BCAR3: variants seen among roughly 807,000 people sequenced by gnomAD.
The protein encoded by BCAR3 is BCAR3 adaptor protein, NSP family member.
In BCAR3, 37 loss-of-function variants were observed where a neutral mutation model predicts 80.1. That is an observed-to-expected ratio of 0.46 (90% CI 0.36 to 0.61). The LOEUF (loss-of-function observed/expected upper bound fraction) is 0.61. Ranked by LOEUF, BCAR3 falls within the 20% of genes least tolerant of loss-of-function variation. The pLI, the probability that BCAR3 is intolerant of heterozygous loss-of-function variation, is 0.00. For missense variants in BCAR3, 978 were observed against 1,068.2 expected (o/e 0.92, Z 1.18); for synonymous variants, 389 against 418.9 (o/e 0.93, Z 0.87).
intron 3 of BCAR3, among the ~76,000 whole-genome samples, chr1:93,610,500 T>C (rs1216198755): frequency 6.6e-6 from 1 of 151,796 alleles, no homozygotes; most frequent in Non-Finnish European, 1.5e-5. Context: ...AACAACAACA[T>C]CAAAAACAAA....
chr1:93,820,370 AC>A (rs1468846151), intron 2 of BCAR3, among the ~76,000 whole-genome samples: 1 of 152,000 alleles, frequency 6.6e-6, no homozygotes, highest in Admixed American at 6.6e-5. Context: ...CATAAAACTG[AC>A]CCCCACTTCA....
At chr1:93,805,516 C>T (rs1423269829) in intron 2 of BCAR3, among the ~76,000 whole-genome samples, 1 of 152,210 alleles carries the variant, frequency 6.6e-6, no homozygotes, top group Non-Finnish European at 1.5e-5. Context: ...TATAGACTGC[C>T]TGTGGAGAAC....
intron 3 of BCAR3, among the ~76,000 whole-genome samples, chr1:93,596,287 G>T (rs186967290): frequency 1.3e-5 from 2 of 152,280 alleles, no homozygotes; most frequent in East Asian, 1.9e-4. Context: ...AGAATAAGGT[G>T]TCAGGTCCTA....
intron 2 of BCAR3, among the ~76,000 whole-genome samples, chr1:93,821,749 G>C (rs1024441560): frequency 1.3e-5 from 2 of 152,074 alleles, no homozygotes; most frequent in African/African-American, 4.8e-5. Context: ...TAAGCACTTA[G>C]CATACCTTAT....
At chr1:93,754,209 T>A (rs1235925502) in intron 2 of BCAR3, 1 of 152,212 alleles carries the variant, frequency 6.6e-6, no homozygotes, top group African/African-American at 2.4e-5. Context: ...TGCCCTGTAC[T>A]TGCAAACATT....
At chr1:93,598,254 G>A (rs894097604) in intron 3 of BCAR3, among the ~76,000 whole-genome samples, 2 of 152,194 alleles carry the variant, frequency 1.3e-5, no homozygotes, top group East Asian at 1.9e-4. Context: ...AAGACGGGAC[G>A]GGGAGGGGTG....
At chr1:93,709,608 T>C (rs1260020971) in intron 2 of BCAR3, among the ~76,000 whole-genome samples, 2 of 152,128 alleles carry the variant, frequency 1.3e-5, no homozygotes, top group Admixed American at 1.3e-4. Flanking sequence ...TAGTGAATGC[T>C]CAGCAGGCAG....
chr1:93,571,592 A>T, intron 9 of BCAR3, 78 bp downstream of exon 9: 1 of 1,553,286 alleles, frequency 6.4e-7, no homozygotes, highest in Non-Finnish European at 8.9e-7. Flanking sequence ...GATTGACTAA[A>T]ATAGTCTGAT....
chr1:93,597,763 G>C (rs1407554446), intron 3 of BCAR3, among the ~76,000 whole-genome samples: 1 of 152,194 alleles, frequency 6.6e-6, no homozygotes, highest in Non-Finnish European at 1.5e-5. Flanking sequence ...GCAGGTGTTT[G>C]GGAGGCAAGC....
chr1:93,731,500 C>T (rs758366125), intron 2 of BCAR3, among the ~76,000 whole-genome samples: 24 of 152,118 alleles, frequency 1.6e-4, no homozygotes, highest in Non-Finnish European at 2.8e-4. Context: ...GGGCCTGCTC[C>T]GCCCTCCAAT....
At chr1:93,760,960 A>G (rs561514172) in intron 2 of BCAR3, among the ~76,000 whole-genome samples, 1 of 152,190 alleles carries the variant, frequency 6.6e-6, no homozygotes, top group Non-Finnish European at 1.5e-5. Flanking sequence ...GGACCATGGT[A>G]GACAGTGGGA....
At chr1:93,722,645 A>G (rs1571074183) in intron 2 of BCAR3, among the ~76,000 whole-genome samples, 1 of 152,234 alleles carries the variant, frequency 6.6e-6, no homozygotes, top group African/African-American at 2.4e-5. Flanking sequence ...TATATCATAA[A>G]TCCTCTTGCC....
intron 5 of BCAR3, among the ~76,000 whole-genome samples, chr1:93,584,581 A>G (rs1673865866): frequency 6.6e-6 from 1 of 152,172 alleles, no homozygotes; most frequent in Non-Finnish European, 1.5e-5. Flanking sequence ...GGAAACTTCC[A>G]TTTTGGTGCA....
intron 3 of BCAR3, among the ~76,000 whole-genome samples, chr1:93,625,463 C>G (rs1409725267): frequency 6.6e-6 from 1 of 152,156 alleles, no homozygotes; most frequent in African/African-American, 2.4e-5. Context: ...CAAAATACAC[C>G]CACCTGGGCC....
chr1:93,628,365 A>C (rs1255178444), intron 3 of BCAR3, among the ~76,000 whole-genome samples: 1 of 152,188 alleles, frequency 6.6e-6, no homozygotes, highest in Non-Finnish European at 1.5e-5. Flanking sequence ...TGTCCCCTGC[A>C]GTCTAGCAGC....
At chr1:93,602,091 A>C (rs1348275656) in intron 3 of BCAR3, 1 of 152,122 alleles carries the variant, frequency 6.6e-6, no homozygotes, top group Non-Finnish European at 1.5e-5. Context: ...TGGATCTTCG[A>C]TGTTAACATT....
At chr1:93,731,646 GTAAAATAAAATAAAA>G (rs3068528) in intron 2 of BCAR3, among the ~76,000 whole-genome samples, 14,672 of 147,292 alleles carry the variant, frequency 0.1, 945 homozygotes, top group East Asian at 0.2. Flanking sequence ...AGATGTTAAA[GTAAAATAAAATAAAA>G]TAAAATAAAA....
intron 3 of BCAR3, among the ~76,000 whole-genome samples, chr1:93,620,897 T>G (rs1342124299): frequency 6.6e-6 from 1 of 152,232 alleles, no homozygotes; most frequent in Non-Finnish European, 1.5e-5. Context: ...GCCTTCTGCC[T>G]AGATCTCCTT....
chr1:93,839,632 C>T (rs1654889190), intron 2 of BCAR3, among the ~76,000 whole-genome samples: 1 of 152,154 alleles, frequency 6.6e-6, no homozygotes, highest in Non-Finnish European at 1.5e-5. Flanking sequence ...TTCTGTTAGA[C>T]ACCATTAGCA....
Sources: allele counts gnomAD v4.1 joint callset (sites outside exome capture counted in the v4.1 genomes callset), GRCh38; gene constraint gnomAD v4.1.1; transcripts MANE v1.5; gene names NCBI Gene and HGNC (gene_info 2026-07-23, HGNC 2026-07-21).